Variants in AP3B1 observed in about 807,000 individuals in gnomAD.
AP3B1 encodes the protein adaptor related protein complex 3 subunit beta 1.
AP3B1 carries 61 observed loss-of-function variants against 132.5 expected under a neutral mutation model. That is an observed-to-expected ratio of 0.46 (90% CI 0.37 to 0.57). The LOEUF is 0.57. Among genes scored for constraint, AP3B1 ranks in the 20% least tolerant of loss-of-function variants. The probability of loss-of-function intolerance (pLI) is 0.00; values close to 1 mark genes in which losing one functional copy is unlikely to be tolerated. For synonymous variants in AP3B1, 388 were observed against 438.3 expected (o/e 0.89, Z 1.43); for missense variants, 1,120 against 1,289.4 (o/e 0.87, Z 2.01).
At chr5:78,239,427 T>C (rs538159480) in intron 3 of AP3B1, among the ~76,000 whole-genome samples, 23 of 140,168 alleles carry the variant, frequency 1.6e-4, no homozygotes, top group African/African-American at 5.7e-4. Flanking sequence ...GCCACGATCA[T>C]GCCACTGCAC....
rs377109233 is a variant in AP3B1 at position 78,233,693 on chromosome 5, A to C, written c.280-5454T>G. 1.9e-4 allele frequency among the ~76,000 whole-genome samples: 29 copies of C among 152,312 alleles called. No homozygotes were observed. In the South Asian group the frequency reaches 5.8e-3, roughly 30 times the overall value. ...AGAATTTAAATGTGTAAGGCCCTAC[A>C]TCTACATTATATTACTCGTTTAATT... On this transcript the variant is annotated intron_variant, in intron 3 of 26. Transcript: ENST00000255194.
Position 78,143,999 on chromosome 5 carries a change from T to C in AP3B1, c.1474-2680A>G, listed in dbSNP as rs540522736. On this transcript the variant is annotated intron_variant, in intron 14 of 26. Transcript: ENST00000255194. ...CAGCCTGGGTGACAGAGCGAGACTC[T>C]GTCTCAAAAAAAAAAGAAAAGTAAA... 1.3e-4 allele frequency among the ~76,000 whole-genome samples: 20 copies of C among 151,848 alleles called. 2 individuals carry two copies. In the East Asian group the frequency reaches 3.7e-3, roughly 28 times the overall value.
chr5:78,185,266 T>C (rs958125329), intron 7 of AP3B1, among the ~76,000 whole-genome samples: 3 of 152,152 alleles, frequency 2.0e-5, no homozygotes, highest in African/African-American at 7.2e-5. Context: ...TCTTCAAACA[T>C]CTGGAAGGAA....
At chr5:78,121,596 A>C (rs1752199480) in intron 17 of AP3B1, 1 of 152,258 alleles carries the variant, frequency 6.6e-6, no homozygotes, top group Non-Finnish European at 1.5e-5. Context: ...AAAATCTAGA[A>C]GAAATGGATA....
rs187068924 is a variant in AP3B1 at position 78,027,294 on chromosome 5, T to C, written c.2895-6505A>G. Among the ~76,000 whole-genome samples, 1,029 of 152,222 alleles carry C rather than the reference T, an allele frequency of 6.8e-3. 6 individuals carry two copies. The highest frequency in any genetic ancestry group is 0.012 in the Non-Finnish European group (804 of 67,988). ...TTGTGGGAGGAAGCTACCTTGATTTTTTCCAAATAATGGTCCTCACACCAT... is the reference window on the plus strand; with the variant it reads ...TTGTGGGAGGAAGCTACCTTGATTTCTTCCAAATAATGGTCCTCACACCAT... On this transcript the variant is annotated intron_variant, in intron 24 of 26. Transcript: ENST00000255194.
chr5:78,018,110 T>C (rs983220052), intron 25 of AP3B1, among the ~76,000 whole-genome samples: 21 of 152,006 alleles, frequency 1.4e-4, no homozygotes, highest in African/African-American at 5.1e-4. Context: ...TAAAACTGCG[T>C]GAAGAAACCA....
At chr5:78,021,732 C>T (rs1165467127) in intron 24 of AP3B1, among the ~76,000 whole-genome samples, 1 of 152,176 alleles carries the variant, frequency 6.6e-6, no homozygotes, top group Admixed American at 6.5e-5. Flanking sequence ...TTCCCTCTGC[C>T]ATCCTTACTA....
In AP3B1 at chr5:78,128,053, G is replaced by T; in HGVS notation, c.1945C>A (p.Arg649=). 1 of 1,612,956 alleles carries T rather than the reference G, an allele frequency of 6.2e-7. No individual in the cohort carries two copies. The highest frequency in any genetic ancestry group is 1.1e-5 in the South Asian group (1 of 91,028). ...WPEVAPDPSV[R]NVEVIELAKE... is the part of the protein sequence containing the mutation. ...ACCAACTCTATTACTTCTACATTTC[G>T]AACTGATGGGTCGGGCGCCACCTCT... Residue 649 remains arginine, a synonymous_variant, in exon 17 of 27, where the codon CGA becomes AGA. Transcript: ENST00000255194.
At chr5:78,075,922 G>A (rs898354855) in intron 22 of AP3B1, among the ~76,000 whole-genome samples, 5 of 152,320 alleles carry the variant, frequency 3.3e-5, no homozygotes, top group Middle Eastern at 3.4e-3. Context: ...AGCAAACGGC[G>A]AAGAGTACGG....
rs1441873532 is a variant in AP3B1 at position 78,099,649 on chromosome 5, C to G, written c.2470+1304G>C. Among the ~76,000 whole-genome samples the G allele has an allele frequency of 3.3e-5, 5 of 152,060 alleles. No individual in the cohort carries two copies. In the East Asian group the frequency reaches 9.6e-4, roughly 29 times the overall value. On this transcript the variant is annotated intron_variant, in intron 21 of 26. Transcript: ENST00000255194. The stretch of plus-strand genomic sequence containing the variant: ...TGGTGGCTCACACCTGTAATCCCAG[C>G]ACGTTGGGAAGCCGAGGTGGGTGGA...
At chr5:78,240,743 T>C (rs1345633629) in intron 3 of AP3B1, 119 bp downstream of exon 3, 2 of 728,124 alleles carry the variant, frequency 2.7e-6, no homozygotes, top group East Asian at 5.1e-5. Context: ...TTAAGGACAT[T>C]TTAATCATAA....
intron 22 of AP3B1, among the ~76,000 whole-genome samples, chr5:78,040,081 T>C (rs939169194): frequency 6.6e-6 from 1 of 152,144 alleles, no homozygotes; most frequent in Non-Finnish European, 1.5e-5. Context: ...TTATTTTCTT[T>C]TACTGTAAAC....
chr5:78,268,783 A>G (rs1182430378), intron 1 of AP3B1, among the ~76,000 whole-genome samples: 2 of 152,216 alleles, frequency 1.3e-5, no homozygotes, highest in African/African-American at 2.4e-5. Context: ...CAGAAAAGCT[A>G]GTCTTCAACA....
At chr5:78,193,302 GA>G (rs1383507646) in intron 7 of AP3B1, among the ~76,000 whole-genome samples, 5 of 152,110 alleles carry the variant, frequency 3.3e-5, no homozygotes, top group African/African-American at 1.2e-4. Flanking sequence ...AGAGGACTCT[GA>G]ATGGTTTTAA....
intron 7 of AP3B1, among the ~76,000 whole-genome samples, chr5:78,205,102 C>T (rs1264568811): frequency 6.6e-6 from 1 of 151,922 alleles, no homozygotes; most frequent in African/African-American, 2.4e-5. Context: ...CAGTGAAAAA[C>T]TTGAAAATTT....
Position 78,160,051 on chromosome 5 carries a change from T to C in AP3B1, c.1363+2768A>G, listed in dbSNP as rs1403364242. On this transcript the variant is annotated intron_variant, in intron 13 of 26. Coordinates refer to ENST00000255194, the MANE Select transcript of AP3B1 (RefSeq NM_003664.5). ...ACATTCTACATAGGTGGTATAGTCC[T>C]ACATGTAAGCAAATAGCTGGCAAGA... 2.0e-5 allele frequency among the ~76,000 whole-genome samples: 3 copies of C among 152,218 alleles called. No individual in the cohort carries two copies. The East Asian group carries it at 5.8e-4, about 29-fold the overall frequency.
intron 21 of AP3B1, among the ~76,000 whole-genome samples, chr5:78,094,705 G>T (rs889076877): frequency 4.0e-5 from 6 of 151,690 alleles, no homozygotes; most frequent in Non-Finnish European, 7.4e-5. Flanking sequence ...TTTTGTAGTG[G>T]AATATCACTC....
chr5:78,098,737 T>C (rs1051094160), intron 21 of AP3B1, among the ~76,000 whole-genome samples: 2 of 152,224 alleles, frequency 1.3e-5, no homozygotes, highest in Admixed American at 6.5e-5. Context: ...AAGCAATATT[T>C]ACTGGGTGCC....
intron 7 of AP3B1, among the ~76,000 whole-genome samples, chr5:78,189,175 C>T (rs926268831): frequency 6.6e-5 from 10 of 152,104 alleles, no homozygotes; most frequent in Middle Eastern, 6.8e-3. Context: ...CCATGGCACA[C>T]GTTTACCTAT....
Sources: gnomAD v4.1 joint callset for allele counts (sites outside exome capture counted in the v4.1 genomes callset) on GRCh38, gnomAD v4.1.1 for gene constraint, MANE v1.5 for transcripts, NCBI Gene and HGNC (gene_info 2026-07-23, HGNC 2026-07-21) for gene names.